The following ANO1 variants were observed in gnomAD, a reference collection of about 807,000 sequenced individuals.
ANO1 encodes the protein anoctamin 1, also known as anoctamin-1.
A neutral mutation model predicts 124.0 loss-of-function variants in ANO1; 59 were observed. The ratio of observed to expected loss-of-function variants is 0.48; its 90% CI spans 0.39 to 0.59. The LOEUF (loss-of-function observed/expected upper bound fraction) is 0.59, where lower values mean the gene tolerates loss of function less well. ANO1 is among the 20% of genes least tolerant of loss of function. The pLI, the probability that ANO1 is intolerant of heterozygous loss-of-function variation, is 0.00. For synonymous variants in ANO1, 529 were observed against 532.0 expected (o/e 0.99, Z 0.08); for missense variants, 1,059 against 1,328.0 (o/e 0.80, Z 3.15).
intron 2 of ANO1, among the ~76,000 whole-genome samples, chr11:70,093,330 TTCTC>T (rs2044712292): frequency 6.7e-6 from 1 of 148,186 alleles, no homozygotes; most frequent in Admixed American, 6.7e-5. Flanking sequence ...CTCCCTCCCC[TTCTC>T]TCTCCCTCCC....
At chr11:69,974,461 G>C in the ANO1 span, among the ~76,000 whole-genome samples, 1 of 152,076 alleles carries the variant, frequency 6.6e-6, no homozygotes, top group Non-Finnish European at 1.5e-5. Flanking sequence ...ATGAACGACC[G>C]CTTTACAGAT....
intron 1 of ANO1, among the ~76,000 whole-genome samples, chr11:70,086,642 C>T (rs989573827): frequency 1.3e-5 from 2 of 152,208 alleles, no homozygotes; most frequent in African/African-American, 4.8e-5. Flanking sequence ...GGAGTGACCC[C>T]CAGCCAAGAA....
At chr11:70,029,588 C>T (rs902871) in intron 1 of ANO1, among the ~76,000 whole-genome samples, 4 of 152,146 alleles carry the variant, frequency 2.6e-5, no homozygotes, top group African/African-American at 7.2e-5. Flanking sequence ...GTCACGGCCA[C>T]GGCACAGGCC....
At position 70,165,496 on chromosome 11, in the gene ANO1, G is replaced by A; in HGVS notation, c.1977G>A (p.Glu659=). The change falls in exon 20 of 26, where the codon GAG becomes GAA. Residue 659 remains glutamate (E), a synonymous_variant. Coordinates refer to ENST00000355303, the MANE Select transcript of ANO1 (RefSeq NM_018043.7). The part of the protein sequence containing the change: ...EECAPGGCLM[E]LCIQLSIIML... ...GTGCGCCAGGGGGCTGCCTGATGGA[G>A]CTATGCATCCAGCTCAGCATCATCA... 6.2e-7 allele frequency: 1 copy of A among 1,611,898 alleles called. No individual in the cohort carries two copies. Among genetic ancestry groups the A allele is most frequent in the Non-Finnish European group, 8.5e-7 (1 of 1,179,146 alleles).
intron 25 of ANO1, 145 bp downstream of exon 25, chr11:70,185,840 C>A: frequency 1.1e-6 from 1 of 904,486 alleles, no homozygotes; most frequent in Non-Finnish European, 1.6e-6. Flanking sequence ...CTGGGACACC[C>A]GAGGAGGGGA....
At chr11:70,043,528 C>T (rs1176382680) in intron 1 of ANO1, among the ~76,000 whole-genome samples, 2 of 151,996 alleles carry the variant, frequency 1.3e-5, no homozygotes, top group African/African-American at 4.8e-5. Context: ...CACCAAGGCA[C>T]ATTATAATCA....
At chr11:70,163,215 T>C in intron 18 of ANO1, 68 bp from the exon 19 acceptor site, 2 of 1,550,264 alleles carry the variant, frequency 1.3e-6, no homozygotes, top group Non-Finnish European at 1.8e-6. Flanking sequence ...CAGTCCCCAC[T>C]TGGGGGTCTC....
chr11:70,150,007 C>A, intron 12 of ANO1: 1 of 667,616 alleles, frequency 1.5e-6, no homozygotes, highest in Non-Finnish European at 2.7e-6. Flanking sequence ...CACTCCCTGT[C>A]TGCTGAAGTG....
intron 1 of ANO1, among the ~76,000 whole-genome samples, chr11:70,010,134 G>GCT: frequency 1.2e-5 from 1 of 81,890 alleles, no homozygotes; most frequent in East Asian, 7.3e-4. Context: ...AGTATTCCAT[G>GCT]GTGTGTGTGT....
rs1555005472 is a variant in ANO1 at position 70,045,314 on chromosome 11, A to AGT, written c.59-33227_59-33226dup. On this transcript the variant is annotated intron_variant, in intron 1 of 27. Transcript: ENST00000531349. ...CAATATTTCCTTTTTCATTGGTAGA[A>AGT]GTCCAACTCACAAGTACTCTAGAAG... 5.3e-5 allele frequency among the ~76,000 whole-genome samples: 8 copies of AGT among 152,336 alleles called. No homozygotes were observed. The East Asian group carries it at 1.3e-3, about 26-fold the overall frequency.
chr11:70,092,597 C>A (rs1224092863), intron 2 of ANO1, among the ~76,000 whole-genome samples: 1 of 152,168 alleles, frequency 6.6e-6, no homozygotes, highest in African/African-American at 2.4e-5. Flanking sequence ...TCTGGGGGAC[C>A]CAGCACCTGG....
intron 1 of ANO1, among the ~76,000 whole-genome samples, chr11:69,988,371 G>A (rs572167441): frequency 6.6e-5 from 10 of 152,222 alleles, no homozygotes; most frequent in Admixed American, 6.5e-5. Flanking sequence ...CTGTGCCCTC[G>A]GCCAACTTAC....
chr11:70,170,906 C>T lies in ANO1; in HGVS notation c.2217C>T (p.Val739=), dbSNP rs2048442591. The T allele has an allele frequency of 6.2e-7, 1 of 1,613,438 alleles. No homozygotes were observed. Among genetic ancestry groups the T allele is most frequent in the Non-Finnish European group, 8.5e-7 (1 of 1,179,694 alleles). The change falls in exon 22 of 26, where the codon GTC becomes GTT. Residue 739 remains valine, a synonymous_variant. Coordinates refer to ENST00000355303, the MANE Select transcript of ANO1 (RefSeq NM_018043.7). ...CTGCAGTCATCCAGTTTGGCTTCGT[C>T]ACCCTGTTTGTCGCCTCCTTCCCCC... ...YMEMIIQFGF[V]TLFVASFPLA...
chr11:70,103,997 A>G lies in ANO1; in HGVS notation c.541-2A>G. 6.2e-7 allele frequency: 1 copy of G among 1,611,556 alleles called. No individual in the cohort carries two copies. The highest frequency in any genetic ancestry group is 2.2e-5 in the East Asian group (1 of 44,826). On this transcript the variant is annotated splice_acceptor_variant, in intron 3 of 25. Coordinates refer to ENST00000355303, the MANE Select transcript of ANO1 (RefSeq NM_018043.7). LOFTEE classifies it high-confidence loss of function. ...CTCCCCGGTCCCTTGTCTTATCTGCAGATGTACCACATTAATGAGACCCGT... is the reference window on the plus strand; with the variant it reads ...CTCCCCGGTCCCTTGTCTTATCTGCGGATGTACCACATTAATGAGACCCGT...
chr11:70,034,263 G>A (rs1406447995), intron 1 of ANO1, among the ~76,000 whole-genome samples: 1 of 152,124 alleles, frequency 6.6e-6, no homozygotes, highest in Admixed American at 6.5e-5. Flanking sequence ...GCTAGAAAGT[G>A]CCACATGCTG....
At chr11:69,980,249 G>C in the ANO1 span, among the ~76,000 whole-genome samples, 1 of 152,104 alleles carries the variant, frequency 6.6e-6, no homozygotes, top group African/African-American at 2.4e-5. Flanking sequence ...AACTAGAATG[G>C]TGGTGCCAGC....
At chr11:70,155,187 A>C (rs899427418) in intron 14 of ANO1, among the ~76,000 whole-genome samples, 3 of 152,196 alleles carry the variant, frequency 2.0e-5, no homozygotes, top group Non-Finnish European at 2.9e-5. Context: ...GACACACACT[A>C]TGTCCATTTA....
At position 70,030,209 on chromosome 11, in the gene ANO1, C is replaced by G. The variant is rs76416201; in HGVS notation, c.58+44043C>G. Among the ~76,000 whole-genome samples, 1,499 of 152,352 alleles carry G rather than the reference C, an allele frequency of 9.8e-3. 25 individuals are homozygous for G. The highest frequency in any genetic ancestry group is 0.034 in the African/African-American group (1,430 of 41,586). On this transcript the variant is annotated intron_variant, in intron 1 of 27. Coordinates refer to the ANO1 transcript ENST00000531349. ...CGAAGACGCCTTGGGGGCTGCAGCCCAGGCTTATTGCTTTGGAAGTCACCG... is the reference window on the plus strand; with the variant it reads ...CGAAGACGCCTTGGGGGCTGCAGCCGAGGCTTATTGCTTTGGAAGTCACCG...
the ANO1 span, among the ~76,000 whole-genome samples, chr11:69,973,808 G>T: frequency 6.6e-6 from 1 of 151,646 alleles, no homozygotes; most frequent in Non-Finnish European, 1.5e-5. Flanking sequence ...GGAGGTGGAG[G>T]TTGCAGTGAG....
Sources: allele counts gnomAD v4.1 joint callset (sites outside exome capture counted in the v4.1 genomes callset), GRCh38; gene constraint gnomAD v4.1.1; transcripts MANE v1.5; gene names NCBI Gene and HGNC (gene_info 2026-07-23, HGNC 2026-07-21).